HIP1: variants seen among roughly 807,000 people sequenced by gnomAD.
HIP1 encodes the protein huntingtin interacting protein 1.
Under a neutral mutation model 147.6 loss-of-function variants are expected in HIP1, and 65 were observed. The observed-to-expected ratio is 0.44, with a 90% CI of 0.36 to 0.54. HIP1 has a LOEUF of 0.54. HIP1 is among the 20% of genes least tolerant of loss of function. The probability of loss-of-function intolerance (pLI) is 0.00; values close to 1 mark genes in which losing one functional copy is unlikely to be tolerated. For missense variants in HIP1, 1,061 were observed against 1,299.6 expected, an observed-to-expected ratio of 0.82 and a Z score of 2.82; for synonymous variants, 479 against 504.0, an observed-to-expected ratio of 0.95 and a Z score of 0.67.
chr7:75,581,218 CG>C lies in HIP1; in HGVS notation c.604+18del. ...AGTTCCCATGAGAGCCTGGGTTAGA[CG>C]GGAGGGAAGAGACTCACCTGTTTGG... is the stretch of plus-strand genomic sequence containing the variant. On this transcript the variant is annotated intron_variant, in intron 7 of 30. Coordinates refer to ENST00000336926, the MANE Select transcript of HIP1 (RefSeq NM_005338.7). The C allele has an allele frequency of 1.9e-6, 3 of 1,592,358 alleles. No individual in the cohort carries two copies. Among genetic ancestry groups the C allele is most frequent in the Non-Finnish European group, 2.6e-6 (3 of 1,163,044 alleles).
intron 1 of HIP1, among the ~76,000 whole-genome samples, chr7:75,657,805 G>A (rs530403975): frequency 4.6e-5 from 7 of 152,104 alleles, no homozygotes; most frequent in East Asian, 3.9e-4. Context: ...TTATATGGGC[G>A]ATGGGATCAT....
chr7:75,704,052 TAAG>T (rs1554519442), intron 1 of HIP1, among the ~76,000 whole-genome samples: 5 of 152,004 alleles, frequency 3.3e-5, no homozygotes, highest in African/African-American at 1.2e-4. Context: ...GTGAACCTGG[TAAG>T]AACTTAGCAG....
intron 1 of HIP1, among the ~76,000 whole-genome samples, chr7:75,651,701 A>G (rs1439553327): frequency 1.3e-5 from 2 of 152,070 alleles, no homozygotes; most frequent in African/African-American, 4.8e-5. Context: ...TGGGCAAGTC[A>G]CTCAACTTCT....
Position 75,651,094 on chromosome 7 carries a change from A to G in HIP1, c.121-51847T>C, listed in dbSNP as rs547221824. On this transcript the variant is annotated intron_variant, in intron 1 of 30. Coordinates refer to ENST00000336926, the MANE Select transcript of HIP1 (RefSeq NM_005338.7). ...TGCAACCAAAGCCATTTAGCAAGAG[A>G]CAGCTGCCCACACAGGAGGAGGGAG... Among the ~76,000 whole-genome samples the G allele has an allele frequency of 5.5e-4, 83 of 151,976 alleles. No homozygotes were observed. The South Asian group carries it at 0.015, about 28-fold the overall frequency.
At position 75,541,407 on chromosome 7, in the gene HIP1, G is replaced by A. The variant is rs181367846; in HGVS notation, c.2952+512C>T. On this transcript the variant is annotated intron_variant, in intron 29 of 30. Transcript: ENST00000336926. ...TAGCCAGGCATGGTGGTGGGCGCCT[G>A]TAGTTCCAGCTACTCAGAGAGGCTG... Among the ~76,000 whole-genome samples, 1,025 of 151,826 alleles carry A rather than the reference G, an allele frequency of 6.8e-3. 20 individuals are homozygous for A. The highest frequency in any genetic ancestry group is 0.024 in the African/African-American group (982 of 41,390).
At chr7:75,693,025 C>T (rs1230765944) in intron 1 of HIP1, among the ~76,000 whole-genome samples, 3 of 151,804 alleles carry the variant, frequency 2.0e-5, no homozygotes, top group African/African-American at 4.8e-5. Flanking sequence ...ACTAGCCAGG[C>T]GTGGTGCTAC....
At chr7:75,590,122 A>G (rs1682401062) in intron 4 of HIP1, among the ~76,000 whole-genome samples, 1 of 152,216 alleles carries the variant, frequency 6.6e-6, no homozygotes, top group African/African-American at 2.4e-5. Flanking sequence ...TTCAGGCAGA[A>G]AGAAAGTGAT....
rs868958148 is a variant in HIP1 at position 75,586,051 on chromosome 7, C to T, written c.465+702G>A. Among the ~76,000 whole-genome samples, 6 of 151,872 alleles carry T rather than the reference C, an allele frequency of 4.0e-5. No homozygotes were observed. In the East Asian group the frequency reaches 7.7e-4, roughly 20 times the overall value. On this transcript the variant is annotated intron_variant, in intron 5 of 30. Coordinates refer to ENST00000336926, the MANE Select transcript of HIP1 (RefSeq NM_005338.7). Reference sequence around the variant, plus strand: ...CTGGTCTCAAACTCCTGGTCTTAAGCGATCCTCCAGCCTCGACCTCCCATA... The same window carrying T: ...CTGGTCTCAAACTCCTGGTCTTAAGTGATCCTCCAGCCTCGACCTCCCATA...
At chr7:75,595,269 T>A (rs1162504107) in intron 2 of HIP1, among the ~76,000 whole-genome samples, 1 of 140,106 alleles carries the variant, frequency 7.1e-6, no homozygotes, top group Non-Finnish European at 1.5e-5. Context: ...CCTTCCTTCC[T>A]TCCTTCCTTC....
chr7:75,646,906 C>T (rs1167565264), intron 1 of HIP1, among the ~76,000 whole-genome samples: 2 of 152,088 alleles, frequency 1.3e-5, no homozygotes, highest in East Asian at 3.9e-4. Context: ...CCTCCAGGAC[C>T]AATGTCAGAC....
intron 5 of HIP1, among the ~76,000 whole-genome samples, chr7:75,582,811 C>T (rs1240610678): frequency 5.9e-5 from 9 of 151,776 alleles, no homozygotes; most frequent in African/African-American, 1.9e-4. Flanking sequence ...TCTCCCCCAC[C>T]GCAAAAAAAA....
At position 75,699,306 on chromosome 7, in the gene HIP1, T is replaced by C. The variant is rs17148808; in HGVS notation, c.120+39495A>G. Among the ~76,000 whole-genome samples the C allele has an allele frequency of 3.6e-3, 544 of 152,286 alleles. 21 individuals are homozygous for C. The East Asian group carries it at 0.075, about 21-fold the overall frequency. On this transcript the variant is annotated intron_variant, in intron 1 of 30. Transcript: ENST00000336926. Reference sequence around the variant, plus strand: ...CAGGATGTTTTCTACTACAAACTAGTTGCTGATATACTAGAAAATATACTC... The same window carrying C: ...CAGGATGTTTTCTACTACAAACTAGCTGCTGATATACTAGAAAATATACTC...
In HIP1 at chr7:75,609,115, C is replaced by T. The variant is rs587646121; in HGVS notation, c.121-9868G>A. Among the ~76,000 whole-genome samples the T allele has an allele frequency of 1.6e-4, 24 of 152,350 alleles. No individual in the cohort carries two copies. The South Asian group carries it at 5.0e-3, about 32-fold the overall frequency. On this transcript the variant is annotated intron_variant, in intron 1 of 30. Transcript: ENST00000336926. ...TCTTCCTAAACCAGCGGCTACAAGG[C>T]ACCTGTAAGCTCTGCCTGAGCTTGC...
At chr7:75,565,411 G>T (rs1251345300) in intron 9 of HIP1, among the ~76,000 whole-genome samples, 1 of 152,222 alleles carries the variant, frequency 6.6e-6, no homozygotes, top group Non-Finnish European at 1.5e-5. Context: ...TGACATTCCA[G>T]GAAATCAGCC....
chr7:75,729,174 AAAG>A (rs1172927411), intron 1 of HIP1, among the ~76,000 whole-genome samples: 2 of 151,110 alleles, frequency 1.3e-5, no homozygotes, highest in Non-Finnish European at 3.0e-5. Context: ...AAAAAAAAAA[AAAG>A]AAGAAGCATT....
At chr7:75,724,560 C>A (rs556100942) in intron 1 of HIP1, among the ~76,000 whole-genome samples, 21 of 152,238 alleles carry the variant, frequency 1.4e-4, no homozygotes, top group Middle Eastern at 3.4e-3. Context: ...AAAAACTGCC[C>A]AAAGTGCTGG....
chr7:75,569,506 G>A (rs1352693093), intron 8 of HIP1, among the ~76,000 whole-genome samples: 6 of 152,162 alleles, frequency 3.9e-5, no homozygotes, highest in African/African-American at 1.4e-4. Context: ...CTACTCAAGA[G>A]GTTGAGGTGG....
In HIP1 at chr7:75,664,032, A is replaced by ATATATACACATATATGTG. The variant is rs1563278466; in HGVS notation, c.121-64803_121-64786dup. Among the ~76,000 whole-genome samples the ATATATACACATATATGTG allele has an allele frequency of 8.5e-4, 12 of 14,128 alleles. 1 individual carries two copies. Among genetic ancestry groups the ATATATACACATATATGTG allele is most frequent in the African/African-American group, 1.8e-3 (2 of 1,116 alleles). The allele number at this position is 14,128 out of a possible 152,430, so 9.3% of individuals were successfully genotyped here. On this transcript the variant is annotated intron_variant, in intron 1 of 30. Transcript: ENST00000336926. ...TATATATATACACATATATGTGTAT[A>ATATATACACATATATGTG]TATATACACATATATGTGTATATAC...
intron 1 of HIP1, among the ~76,000 whole-genome samples, chr7:75,726,140 A>C (rs1301596606): frequency 2.0e-5 from 3 of 152,158 alleles, no homozygotes; most frequent in African/African-American, 7.2e-5. Context: ...CACCGCGCCC[A>C]GCTGTGCTTG....
Sources: gnomAD v4.1 joint callset for allele counts (sites outside exome capture counted in the v4.1 genomes callset) on GRCh38, gnomAD v4.1.1 for gene constraint, MANE v1.5 for transcripts, NCBI Gene and HGNC (gene_info 2026-07-23, HGNC 2026-07-21) for gene names.